PELI2: variants seen among roughly 807,000 people sequenced by gnomAD.
PELI2 encodes pellino E3 ubiquitin protein ligase family member 2.
In PELI2, 23 loss-of-function variants were observed where a neutral mutation model predicts 42.3. The observed-to-expected ratio is 0.54, with a 90% confidence interval of 0.39 to 0.77. PELI2 has a LOEUF of 0.77. Among genes scored for constraint, PELI2 ranks in the 30% least tolerant of loss-of-function variants. The probability of loss-of-function intolerance (pLI) is 0.00; values close to 1 mark genes in which losing one functional copy is unlikely to be tolerated. For synonymous variants in PELI2, 245 were observed against 212.2 expected, an observed-to-expected ratio of 1.15 and a Z score of -1.34; for missense variants, 463 against 553.2, an observed-to-expected ratio of 0.84 and a Z score of 1.64.
intron 1 of PELI2, among the ~76,000 whole-genome samples, chr14:56,150,327 AATGAAG>A (rs1884298379): frequency 6.6e-6 from 1 of 152,258 alleles, no homozygotes; most frequent in African/African-American, 2.4e-5. Flanking sequence ...AGAGTTTAAG[AATGAAG>A]ATGTATTTTA....
intron 1 of PELI2, among the ~76,000 whole-genome samples, chr14:56,142,982 G>A (rs1222075480): frequency 2.0e-5 from 3 of 152,062 alleles, no homozygotes; most frequent in African/African-American, 2.4e-5. Flanking sequence ...CTGGAAATTA[G>A]CAGTGGTACA....
chr14:56,164,340 A>G (rs895466018), intron 1 of PELI2, among the ~76,000 whole-genome samples: 1 of 152,104 alleles, frequency 6.6e-6, no homozygotes, highest in South Asian at 2.1e-4. Flanking sequence ...AGTGTATCAT[A>G]TTGATTGATT....
rs1308149629 is a variant in PELI2, at chr14:56,299,456, TC to T, written c.*2292del. 6.6e-6 allele frequency: 1 copy of T among 152,286 alleles called. No homozygotes were observed. Among genetic ancestry groups the T allele is most frequent in the African/African-American group, 2.4e-5 (1 of 41,560 alleles). The allele number at this position is 152,286 out of a possible 1,614,324, so 9.4% of individuals were successfully genotyped here. A position where few individuals can be genotyped will look rare whatever the true frequency, so the allele number is the denominator to read the frequency against. ...TGGAAGGGGTAACAGTGAACCGCCC[TC>T]CATGGGCTCCACATCTTTTCCTTTG... On this transcript the variant is annotated 3_prime_UTR_variant, in exon 6 of 6. Transcript: ENST00000267460.
chr14:56,234,486 C>G (rs939101807), intron 2 of PELI2, among the ~76,000 whole-genome samples: 1 of 152,116 alleles, frequency 6.6e-6, no homozygotes, highest in Non-Finnish European at 1.5e-5. Context: ...TCATTCTGAG[C>G]AAACTATCAC....
intron 2 of PELI2, among the ~76,000 whole-genome samples, chr14:56,276,105 A>C (rs1486335949): frequency 6.6e-6 from 1 of 152,192 alleles, no homozygotes; most frequent in African/African-American, 2.4e-5. Flanking sequence ...ATTGTTGAAC[A>C]ATTGATACTT....
intron 2 of PELI2, among the ~76,000 whole-genome samples, chr14:56,240,442 A>T (rs1887932399): frequency 6.6e-6 from 1 of 152,208 alleles, no homozygotes; most frequent in Admixed American, 6.5e-5. Flanking sequence ...TGGATTACAG[A>T]CAAGGTTGTG....
At chr14:56,276,881 T>C (rs1889311006) in intron 2 of PELI2, among the ~76,000 whole-genome samples, 1 of 152,212 alleles carries the variant, frequency 6.6e-6, no homozygotes, top group Non-Finnish European at 1.5e-5. Flanking sequence ...GGCTCAACAT[T>C]CAAAGCATCC....
At chr14:56,145,853 C>T (rs909709923) in intron 1 of PELI2, among the ~76,000 whole-genome samples, 2 of 152,160 alleles carry the variant, frequency 1.3e-5, no homozygotes, top group African/African-American at 4.8e-5. Context: ...TATCTGAACT[C>T]CCAATGTTGA....
At chr14:56,252,737 C>G (rs1888390183) in intron 2 of PELI2, among the ~76,000 whole-genome samples, 2 of 152,094 alleles carry the variant, frequency 1.3e-5, no homozygotes. Context: ...CCAAAAAAAG[C>G]CCAGGACCAG....
At chr14:56,142,147 C>T (rs1883935819) in intron 1 of PELI2, among the ~76,000 whole-genome samples, 1 of 152,152 alleles carries the variant, frequency 6.6e-6, no homozygotes, top group Non-Finnish European at 1.5e-5. Flanking sequence ...AATTTTGGCT[C>T]ACCCTTTAAA....
intron 1 of PELI2, among the ~76,000 whole-genome samples, chr14:56,159,984 A>C (rs74738364): frequency 6.6e-6 from 1 of 152,108 alleles, no homozygotes; most frequent in Non-Finnish European, 1.5e-5. Flanking sequence ...ATTAGATAAT[A>C]TAGTTCTTTT....
At chr14:56,127,247 G>A (rs527990498) in intron 1 of PELI2, among the ~76,000 whole-genome samples, 12 of 152,302 alleles carry the variant, frequency 7.9e-5, no homozygotes, top group Admixed American at 6.5e-5. Context: ...TTTCACCCAG[G>A]AGAGCTAATG....
intron 2 of PELI2, among the ~76,000 whole-genome samples, chr14:56,255,293 A>G (rs1194518891): frequency 6.6e-6 from 1 of 152,252 alleles, no homozygotes; most frequent in Non-Finnish European, 1.5e-5. Context: ...ACACCATAGA[A>G]TACTATGCAG....
intron 1 of PELI2, among the ~76,000 whole-genome samples, chr14:56,160,933 C>T (rs1884736870): frequency 6.6e-6 from 1 of 152,172 alleles, no homozygotes; most frequent in Admixed American, 6.5e-5. Context: ...TCCTTAGACC[C>T]CTGCCGTTAT....
intron 5 of PELI2, among the ~76,000 whole-genome samples, chr14:56,295,947 A>T (rs1889985037): frequency 6.6e-6 from 1 of 152,248 alleles, no homozygotes; most frequent in South Asian, 2.1e-4. Flanking sequence ...ATGTGGAGGC[A>T]GCGGTCACGT....
At chr14:56,257,924 A>G (rs1888578287) in intron 2 of PELI2, among the ~76,000 whole-genome samples, 1 of 152,236 alleles carries the variant, frequency 6.6e-6, no homozygotes, top group African/African-American at 2.4e-5. Flanking sequence ...AGAGCTTTGT[A>G]GAGCTACAGA....
chr14:56,167,644 A>G (rs553648329), intron 1 of PELI2, among the ~76,000 whole-genome samples: 1 of 152,284 alleles, frequency 6.6e-6, no homozygotes, highest in African/African-American at 2.4e-5. Flanking sequence ...GAAAGGTCAC[A>G]TATATTTGTT....
intron 2 of PELI2, among the ~76,000 whole-genome samples, chr14:56,263,365 C>G (rs2139840796): frequency 6.6e-6 from 1 of 152,088 alleles, no homozygotes; most frequent in Middle Eastern, 3.4e-3. Context: ...TTTATGAGCC[C>G]TTACTGAAGA....
intron 1 of PELI2, among the ~76,000 whole-genome samples, chr14:56,171,883 G>T (rs1328338714): frequency 6.6e-6 from 1 of 152,146 alleles, no homozygotes; most frequent in Non-Finnish European, 1.5e-5. Context: ...GGGCATGGTG[G>T]TGTGCACCTG....
Sources: allele counts gnomAD v4.1 joint callset (sites outside exome capture counted in the v4.1 genomes callset), GRCh38; gene constraint gnomAD v4.1.1; transcripts MANE v1.5; gene names NCBI Gene and HGNC (gene_info 2026-07-23, HGNC 2026-07-21).